Variants in PALM2AKAP2 observed in about 807,000 individuals in gnomAD.
PALM2AKAP2 encodes the protein PALM2-AKAP2 fusion protein.
Under a neutral mutation model 71.5 loss-of-function variants are expected in PALM2AKAP2, and 37 were observed. That is an observed-to-expected ratio of 0.52 (90% CI 0.40 to 0.68). The LOEUF (loss-of-function observed/expected upper bound fraction) is 0.68. PALM2AKAP2 is among the 30% of genes least tolerant of loss of function. The probability of loss-of-function intolerance (pLI) is 0.00; values close to 1 mark genes in which losing one functional copy is unlikely to be tolerated. For synonymous variants in PALM2AKAP2, 468 were observed against 478.8 expected, an observed-to-expected ratio of 0.98 and a Z score of 0.29; for missense variants, 1,224 against 1,191.8, an observed-to-expected ratio of 1.03 and a Z score of -0.40.
intron 1 of PALM2AKAP2, among the ~76,000 whole-genome samples, chr9:109,866,839 T>G (rs1053378667): frequency 6.6e-6 from 1 of 151,940 alleles, no homozygotes; most frequent in African/African-American, 2.4e-5. Flanking sequence ...GGGCTGGGAG[T>G]TGGACCCGGA....
At chr9:109,780,330 C>T (rs1360903933), upstream of PALM2AKAP2, 15 of 1,463,044 alleles carry the variant, frequency 1.0e-5, no homozygotes, top group African/African-American at 1.4e-5. Context: ...CCGCCGTGCG[C>T]ACAGCTCTGC....
intron 1 of PALM2AKAP2, among the ~76,000 whole-genome samples, chr9:109,801,029 C>T (rs1827416057): frequency 6.6e-6 from 1 of 152,188 alleles, no homozygotes; most frequent in Admixed American, 6.5e-5. Context: ...TGGTTAATTA[C>T]AACTGGATGG....
chr9:109,791,594 G>A (rs1476970240), intron 1 of PALM2AKAP2, among the ~76,000 whole-genome samples: 2 of 152,192 alleles, frequency 1.3e-5, no homozygotes, highest in Admixed American at 6.5e-5. Flanking sequence ...TGGAGGGAAG[G>A]GCTCCCAGTT....
At position 109,851,209 on chromosome 9, in the gene PALM2AKAP2, C is replaced by CAAAAAA. The variant is rs56938333; in HGVS notation, c.46-16274_46-16269dup. 2.1e-4 allele frequency among the ~76,000 whole-genome samples: 30 copies of CAAAAAA among 144,998 alleles called. No individual in the cohort carries two copies. The South Asian group carries it at 5.1e-3, about 25-fold the overall frequency. The stretch of plus-strand genomic sequence containing the variant: ...ACAACAACAACAACAACAACAACAA[C>CAAAAAA]AAAAAAAAAAAAACACTACCTGGTA... On this transcript the variant is annotated intron_variant, in intron 1 of 9. Transcript: ENST00000302798.
intron 6 of PALM2AKAP2, among the ~76,000 whole-genome samples, chr9:109,970,964 A>G (rs1447205900): frequency 6.6e-6 from 1 of 152,116 alleles, no homozygotes; most frequent in East Asian, 1.9e-4. Context: ...TTAAAAAATT[A>G]TCTGGGCATG....
At chr9:109,874,125 G>A (rs1487169950) in intron 2 of PALM2AKAP2, among the ~76,000 whole-genome samples, 1 of 152,290 alleles carries the variant, frequency 6.6e-6, no homozygotes, top group East Asian at 1.9e-4. Flanking sequence ...TACAGTGTAT[G>A]TGCATGATTT....
intron 1 of PALM2AKAP2, among the ~76,000 whole-genome samples, chr9:109,804,479 A>C (rs1311502540): frequency 6.6e-6 from 1 of 152,208 alleles, no homozygotes; most frequent in Non-Finnish European, 1.5e-5. Context: ...GAAATCATAG[A>C]AGTTAGTTGT....
chr9:109,795,092 A>G (rs1375864666), intron 1 of PALM2AKAP2, among the ~76,000 whole-genome samples: 2 of 152,210 alleles, frequency 1.3e-5, no homozygotes, highest in Admixed American at 1.3e-4. Flanking sequence ...TTTGGGATAG[A>G]TAATTTTCTG....
intron 6 of PALM2AKAP2, among the ~76,000 whole-genome samples, chr9:109,985,288 A>G (rs899625430): frequency 6.6e-6 from 1 of 152,180 alleles, no homozygotes; most frequent in Non-Finnish European, 1.5e-5. Context: ...TTTGCTATCC[A>G]TAATGAGGTA....
chr9:110,055,721 G>T (rs1833824758), intron 1 of PALM2AKAP2, among the ~76,000 whole-genome samples: 1 of 152,184 alleles, frequency 6.6e-6, no homozygotes, highest in African/African-American at 2.4e-5. Flanking sequence ...TGCTAGGGCA[G>T]TTTTTCCAGG....
At chr9:109,685,654 T>G (rs1190465714) in intron 1 of PALM2AKAP2, among the ~76,000 whole-genome samples, 1 of 152,160 alleles carries the variant, frequency 6.6e-6, no homozygotes, top group African/African-American at 2.4e-5. Flanking sequence ...GGACAATTAC[T>G]TGAACCCTCA....
At chr9:109,899,053 G>A (rs1830271531) in intron 3 of PALM2AKAP2, among the ~76,000 whole-genome samples, 1 of 152,090 alleles carries the variant, frequency 6.6e-6, no homozygotes, top group Non-Finnish European at 1.5e-5. Flanking sequence ...GACATTGTCT[G>A]TTCCCATGGC....
chr9:109,975,677 C>T (rs1832160038), intron 6 of PALM2AKAP2, among the ~76,000 whole-genome samples: 2 of 152,182 alleles, frequency 1.3e-5, no homozygotes, highest in South Asian at 4.1e-4. Context: ...TAAAAATAGT[C>T]TTGGAGCTTG....
chr9:110,100,081 A>ATATATATATATATATATATC lies in PALM2AKAP2; in HGVS notation c.157-36046_157-36045insTATATATATATATATATATC, dbSNP rs1554751767. The stretch of plus-strand genomic sequence containing the variant: ...TATATATATATATATATATATATAT[A>ATATATATATATATATATATC]GAAACATAAATATTTTATCAAGTTG... On this transcript the variant is annotated intron_variant, in intron 1 of 3. Coordinates refer to ENST00000374525, the Ensembl canonical transcript of PALM2AKAP2. Among the ~76,000 whole-genome samples the ATATATATATATATATATATC allele has an allele frequency of 2.1e-5, 3 of 144,366 alleles. No individual in the cohort carries two copies. The Admixed American group carries it at 2.1e-4, about 10-fold the overall frequency. The allele number at this position is 144,366 out of a possible 152,430, so 94.7% of individuals were successfully genotyped here. A position where few individuals can be genotyped will look rare whatever the true frequency, so the allele number is the denominator to read the frequency against.
At chr9:109,827,819 A>C (rs1358953465) in intron 1 of PALM2AKAP2, among the ~76,000 whole-genome samples, 1 of 152,040 alleles carries the variant, frequency 6.6e-6, no homozygotes, top group Non-Finnish European at 1.5e-5. Context: ...AAAAAAAACC[A>C]CCCTAACTAT....
chr9:109,843,161 T>C (rs868796264), intron 1 of PALM2AKAP2, among the ~76,000 whole-genome samples: 1 of 37,212 alleles, frequency 2.7e-5, no homozygotes, highest in African/African-American at 1.3e-4. Flanking sequence ...AAAAAAAAAA[T>C]CGAACAATTA....
intron 1 of PALM2AKAP2, among the ~76,000 whole-genome samples, chr9:109,722,357 A>G (rs557243016): frequency 2.6e-5 from 4 of 152,334 alleles, no homozygotes; most frequent in African/African-American, 9.6e-5. Context: ...CATAAGAAAC[A>G]TCAGTTTCCT....
chr9:109,663,559 T>G (rs1002284329), intron 1 of PALM2AKAP2, among the ~76,000 whole-genome samples: 1 of 152,212 alleles, frequency 6.6e-6, no homozygotes, highest in Non-Finnish European at 1.5e-5. Flanking sequence ...AGACAGTTTG[T>G]TGTGATTTCT....
intron 1 of PALM2AKAP2, among the ~76,000 whole-genome samples, chr9:110,083,338 G>A (rs1834490882): frequency 6.6e-6 from 1 of 152,008 alleles, no homozygotes; most frequent in African/African-American, 2.4e-5. Flanking sequence ...AAAGGCATAA[G>A]TCTATAAACA....
Sources: gnomAD v4.1 joint callset for allele counts (sites outside exome capture counted in the v4.1 genomes callset) on GRCh38, gnomAD v4.1.1 for gene constraint, MANE v1.5 for transcripts, NCBI Gene and HGNC (gene_info 2026-07-23, HGNC 2026-07-21) for gene names.